Variants in SCD5 observed in about 807,000 individuals in gnomAD.
SCD5 encodes the protein acyl-CoA-desaturase 4.
A neutral mutation model predicts 30.4 loss-of-function variants in SCD5; 20 were observed. The ratio of observed to expected loss-of-function variants is 0.66; its 90% CI spans 0.46 to 0.96. The LOEUF (loss-of-function observed/expected upper bound fraction) is 0.96. Ranked by LOEUF, SCD5 falls within the 40% of genes least tolerant of loss-of-function variation. The pLI is 0.00. For synonymous variants in SCD5, 173 were observed against 176.4 expected (o/e 0.98, Z 0.16); for missense variants, 381 against 443.3 (o/e 0.86, Z 1.26).
In SCD5 at chr4:82,630,681, G is replaced by C. The variant is rs1220497736; in HGVS notation, c.*646C>G. On this transcript the variant is annotated 3_prime_UTR_variant, in exon 5 of 5. Coordinates refer to ENST00000319540, the MANE Select transcript of SCD5 (RefSeq NM_001037582.3). ...TTGAAAAGTTTTTTAGGCTGGGCGC[G>C]CTGGCTCCCAGCTACTCGGGAGGCT... is the stretch of plus-strand genomic sequence containing the variant. 2 of 151,864 alleles carry C rather than the reference G, an allele frequency of 1.3e-5. No homozygotes were observed. The highest frequency in any genetic ancestry group is 2.9e-5 in the Non-Finnish European group (2 of 68,028). 9.4% of individuals were successfully genotyped at this position (151,864 alleles called of 1,614,324 possible).
At chr4:82,744,018 G>T (rs1488814008) in intron 1 of SCD5, among the ~76,000 whole-genome samples, 1 of 151,978 alleles carries the variant, frequency 6.6e-6, no homozygotes, top group Non-Finnish European at 1.5e-5. Context: ...TAAAGATGGG[G>T]TCTCTCCATG....
intron 3 of SCD5, chr4:82,660,505 G>A: frequency 9.3e-7 from 1 of 1,073,298 alleles, no homozygotes; most frequent in Non-Finnish European, 1.1e-6. Context: ...CTCCTATAGA[G>A]TGCTGTATGT....
chr4:82,683,553 A>C (rs1728626132), intron 2 of SCD5, among the ~76,000 whole-genome samples: 1 of 152,160 alleles, frequency 6.6e-6, no homozygotes, highest in African/African-American at 2.4e-5. Flanking sequence ...TACTCTCCAA[A>C]TGTTGCAGGG....
At chr4:82,751,171 T>C (rs928158475) in intron 1 of SCD5, among the ~76,000 whole-genome samples, 4 of 152,158 alleles carry the variant, frequency 2.6e-5, no homozygotes, top group African/African-American at 9.7e-5. Context: ...AATCAACAAA[T>C]GTGTGACACA....
intron 3 of SCD5, among the ~76,000 whole-genome samples, chr4:82,658,001 A>C (rs908549245): frequency 6.6e-6 from 1 of 152,200 alleles, no homozygotes; most frequent in African/African-American, 2.4e-5. Context: ...TTGGGCTAAG[A>C]TGATGGGGTT....
chr4:82,638,169 A>T (rs1293707930), intron 3 of SCD5, among the ~76,000 whole-genome samples: 3 of 152,200 alleles, frequency 2.0e-5, no homozygotes, highest in Admixed American at 6.5e-5. Context: ...TGCAAAGGAC[A>T]TGATCTTGTT....
chr4:82,650,286 A>T (rs995950595), intron 3 of SCD5, among the ~76,000 whole-genome samples: 3 of 152,236 alleles, frequency 2.0e-5, no homozygotes, highest in Non-Finnish European at 4.4e-5. Flanking sequence ...ATAAAATGAT[A>T]AGCATAACGG....
At chr4:82,768,783 C>T (rs184678388) in intron 1 of SCD5, among the ~76,000 whole-genome samples, 1 of 151,914 alleles carries the variant, frequency 6.6e-6, no homozygotes, top group East Asian at 1.9e-4. Flanking sequence ...ATTTTTTAAA[C>T]GAGTTTTGCC....
At chr4:82,702,130 C>CTTTTTTTTTTTTTTTTTTTTT (rs10701664) in intron 2 of SCD5, among the ~76,000 whole-genome samples, 6 of 64,116 alleles carry the variant, frequency 9.4e-5, no homozygotes, top group Non-Finnish European at 1.4e-4. Context: ...CCATCATCAT[C>CTTTTTTTTTTTTTTTTTTTTT]TTTTTTTTTT....
At chr4:82,794,256 G>T (rs746660974) in intron 1 of SCD5, among the ~76,000 whole-genome samples, 3 of 152,178 alleles carry the variant, frequency 2.0e-5, no homozygotes, top group Non-Finnish European at 2.9e-5. Flanking sequence ...ATAGAAGGAT[G>T]GCTGATCTAT....
intron 3 of SCD5, among the ~76,000 whole-genome samples, chr4:82,654,957 T>C (rs1727840278): frequency 1.3e-5 from 2 of 152,218 alleles, no homozygotes; most frequent in Admixed American, 6.5e-5. Flanking sequence ...AAGTCTTAAC[T>C]GAGAATAAAC....
chr4:82,781,408 T>C, intron 1 of SCD5, among the ~76,000 whole-genome samples: 1 of 149,082 alleles, frequency 6.7e-6, no homozygotes, highest in East Asian at 2.0e-4. Context: ...AGAGTGAGAC[T>C]CTGTCTCAAA....
chr4:82,704,752 C>T (rs1719933323), intron 2 of SCD5, among the ~76,000 whole-genome samples: 1 of 152,214 alleles, frequency 6.6e-6, no homozygotes, highest in South Asian at 2.1e-4. Context: ...CGCAGGGCAA[C>T]CTCGGGACTA....
intron 3 of SCD5, among the ~76,000 whole-genome samples, chr4:82,664,057 G>A (rs1183745127): frequency 6.6e-6 from 1 of 152,182 alleles, no homozygotes; most frequent in African/African-American, 2.4e-5. Context: ...ACAAACAACA[G>A]AAGTCCACCC....
In SCD5 at chr4:82,767,236, G is replaced by GTC. The variant is rs140732938; in HGVS notation, c.232+31068_232+31069dup. Among the ~76,000 whole-genome samples the GTC allele has an allele frequency of 8.2e-3, 1,226 of 150,066 alleles. 9 individuals carry two copies. The highest frequency in any genetic ancestry group is 0.012 in the Non-Finnish European group (805 of 67,344). Reference sequence around the variant, plus strand: ...CACATCTCCACAGCATTTTCCCTCTGTCTCTCTCTCTCTCTCTGTCTCTTC... The same window carrying GTC: ...CACATCTCCACAGCATTTTCCCTCTGTCTCTCTCTCTCTCTCTCTGTCTCTTC... On this transcript the variant is annotated intron_variant, in intron 1 of 4. Transcript: ENST00000319540.
Position 82,798,438 on chromosome 4 carries a change from C to T in SCD5, c.100G>A (p.Glu34Lys). The T allele has an allele frequency of 6.2e-7, 1 of 1,613,170 alleles. No individual in the cohort carries two copies. The highest frequency in any genetic ancestry group is 2.2e-5 in the East Asian group (1 of 44,830). ...CGCTGCCCGCGCGCGCCTGGCCTCTCCGGGCCGCCGCCGCCCTCAGAGCTT... is the reference window on the plus strand; with the variant it reads ...CGCTGCCCGCGCGCGCCTGGCCTCTTCGGGCCGCCGCCGCCCTCAGAGCTT... ...LESSEGGGGP[E>K]RPGARGQRQN... is the part of the protein sequence containing the mutation. The change falls in exon 1 of 5, where the codon GAG becomes AAG. Residue 34 changes from glutamate (E) to lysine (K), a missense_variant. Transcript: ENST00000319540.
chr4:82,751,941 G>A (rs1290849050), intron 1 of SCD5, among the ~76,000 whole-genome samples: 1 of 152,130 alleles, frequency 6.6e-6, no homozygotes, highest in Non-Finnish European at 1.5e-5. Flanking sequence ...CTCTAGATTG[G>A]AAAATATCTT....
chr4:82,746,917 T>C (rs1361315867), intron 1 of SCD5, among the ~76,000 whole-genome samples: 1 of 149,710 alleles, frequency 6.7e-6, no homozygotes, highest in Non-Finnish European at 1.5e-5. Context: ...CCTGTTGCCA[T>C]ATAAACCCGA....
In SCD5 at chr4:82,630,051, AG is replaced by A. The variant is rs1314095705; in HGVS notation, c.*1275del. On this transcript the variant is annotated 3_prime_UTR_variant, in exon 5 of 5. Coordinates refer to ENST00000319540, the MANE Select transcript of SCD5 (RefSeq NM_001037582.3). ...GCTGGGATCAATTAGAATATAAATT[AG>A]GTGCTTAAACATTTAAACGAGAGCT... 3 of 152,220 alleles carry A rather than the reference AG, an allele frequency of 2.0e-5. No homozygotes were observed. The highest frequency in any genetic ancestry group is 4.4e-5 in the Non-Finnish European group (3 of 68,040). 9.4% of individuals were successfully genotyped at this position (152,220 alleles called of 1,614,324 possible).
Sources: allele counts gnomAD v4.1 joint callset (sites outside exome capture counted in the v4.1 genomes callset), GRCh38; gene constraint gnomAD v4.1.1; transcripts MANE v1.5; gene names NCBI Gene and HGNC (gene_info 2026-07-23, HGNC 2026-07-21).